LRRC4C: variants seen among roughly 807,000 people sequenced by gnomAD.
LRRC4C encodes leucine-rich repeat-containing protein 4C.
In LRRC4C, 5 loss-of-function variants were observed where a neutral mutation model predicts 33.6. That is an observed-to-expected ratio of 0.15 (90% CI 0.08 to 0.31). The LOEUF is 0.31. LRRC4C is among the 10% of genes least tolerant of loss of function. LRRC4C has a pLI of 1.00. For synonymous variants in LRRC4C, 329 were observed against 302.0 expected, an observed-to-expected ratio of 1.09 and a Z score of -0.93; for missense variants, 560 against 796.7, an observed-to-expected ratio of 0.70 and a Z score of 3.58.
At chr11:40,742,189 A>G (rs1948190190) in intron 2 of LRRC4C, among the ~76,000 whole-genome samples, 2 of 151,948 alleles carry the variant, frequency 1.3e-5, no homozygotes, top group South Asian at 2.1e-4. Flanking sequence ...TCTATACTGA[A>G]TGGTTTTCAA....
chr11:40,762,701 T>TCAAGGA (rs1949277844), intron 2 of LRRC4C, among the ~76,000 whole-genome samples: 1 of 152,152 alleles, frequency 6.6e-6, no homozygotes, highest in African/African-American at 2.4e-5. Context: ...TATGAGAAGT[T>TCAAGGA]GACTTGCTTG....
chr11:40,841,464 C>T (rs1565122075), intron 2 of LRRC4C, among the ~76,000 whole-genome samples: 1 of 152,114 alleles, frequency 6.6e-6, no homozygotes, highest in Non-Finnish European at 1.5e-5. Context: ...AGGTGGTGTC[C>T]TGAACTGACA....
At chr11:40,386,871 C>T (rs1156808471) in intron 3 of LRRC4C, among the ~76,000 whole-genome samples, 1 of 152,098 alleles carries the variant, frequency 6.6e-6, no homozygotes, top group Admixed American at 6.5e-5. Flanking sequence ...CTAATGTGGG[C>T]TGTTTCCTTG....
At chr11:40,522,370 G>C (rs1267732793) in intron 3 of LRRC4C, among the ~76,000 whole-genome samples, 2 of 152,088 alleles carry the variant, frequency 1.3e-5, no homozygotes, top group African/African-American at 4.8e-5. Context: ...TGGTTAATAT[G>C]GTTTGGCTGT....
At chr11:41,036,652 AT>A (rs5791414) in intron 1 of LRRC4C, among the ~76,000 whole-genome samples, 79,115 of 151,536 alleles carry the variant, frequency 0.52, 21,193 homozygotes, top group East Asian at 0.65. Flanking sequence ...TGAAGGAAGC[AT>A]TTTTTAAACA....
chr11:40,319,103 T>C (rs907575831), intron 4 of LRRC4C, among the ~76,000 whole-genome samples: 3 of 152,214 alleles, frequency 2.0e-5, no homozygotes, highest in Non-Finnish European at 4.4e-5. Context: ...AAAAAAATAC[T>C]CCTTCCCCAT....
chr11:40,272,649 C>T (rs1942793197), intron 4 of LRRC4C, among the ~76,000 whole-genome samples: 1 of 151,954 alleles, frequency 6.6e-6, no homozygotes, highest in Non-Finnish European at 1.5e-5. Flanking sequence ...AAAGTCTGTT[C>T]CACTCCTAGC....
At chr11:41,279,534 TGCTA>T (rs1333372052) in intron 1 of LRRC4C, among the ~76,000 whole-genome samples, 5 of 152,240 alleles carry the variant, frequency 3.3e-5, no homozygotes, top group Admixed American at 6.6e-5. Context: ...TCATCCCTAA[TGCTA>T]GACTCTGGCT....
intron 1 of LRRC4C, among the ~76,000 whole-genome samples, chr11:41,387,330 G>C (rs1246731198): frequency 1.3e-5 from 2 of 151,688 alleles, no homozygotes; most frequent in East Asian, 3.9e-4. Context: ...GAGACAGACA[G>C]GTGATAAGAA....
intron 1 of LRRC4C, among the ~76,000 whole-genome samples, chr11:41,290,386 A>G (rs1949956956): frequency 6.6e-6 from 1 of 152,212 alleles, no homozygotes. Context: ...TAATGTAAGC[A>G]TGTTCCTACG....
intron 2 of LRRC4C, among the ~76,000 whole-genome samples, chr11:40,823,004 G>T (rs923945698): frequency 7.9e-5 from 12 of 151,658 alleles, no homozygotes; most frequent in Non-Finnish European, 1.8e-4. Context: ...TTTATCTCTG[G>T]GTTCTCCATT....
At chr11:40,158,316 A>C (rs777711151) in intron 5 of LRRC4C, among the ~76,000 whole-genome samples, 18 of 152,122 alleles carry the variant, frequency 1.2e-4, no homozygotes, top group Non-Finnish European at 1.5e-5. Context: ...GGTGCAGTGT[A>C]TACTGCTCAA....
intron 1 of LRRC4C, among the ~76,000 whole-genome samples, chr11:41,200,941 C>A (rs758144143): frequency 2.0e-5 from 3 of 152,124 alleles, no homozygotes; most frequent in Non-Finnish European, 2.9e-5. Flanking sequence ...ATGAAGAAAA[C>A]CTAGTGGGAA....
At chr11:41,022,085 G>C (rs1400403425) in intron 1 of LRRC4C, among the ~76,000 whole-genome samples, 1 of 150,314 alleles carries the variant, frequency 6.7e-6, no homozygotes, top group Non-Finnish European at 1.5e-5. Flanking sequence ...TCTCTCCATA[G>C]GAATGTCTTC....
intron 1 of LRRC4C, among the ~76,000 whole-genome samples, chr11:41,114,717 T>C (rs2135722797): frequency 6.6e-6 from 1 of 152,200 alleles, no homozygotes; most frequent in African/African-American, 2.4e-5. Context: ...TATAATACAG[T>C]ACTATAGCAC....
intron 3 of LRRC4C, among the ~76,000 whole-genome samples, chr11:40,495,754 A>G (rs1253661949): frequency 2.0e-5 from 3 of 150,420 alleles, no homozygotes; most frequent in Admixed American, 6.7e-5. Context: ...CTAATGGAAA[A>G]TAGTACTGGA....
At chr11:40,213,228 A>T (rs1043196502) in intron 5 of LRRC4C, among the ~76,000 whole-genome samples, 3 of 152,148 alleles carry the variant, frequency 2.0e-5, no homozygotes, top group Non-Finnish European at 4.4e-5. Context: ...CAATCTTACC[A>T]GTAGAAGATA....
intron 1 of LRRC4C, among the ~76,000 whole-genome samples, chr11:40,969,217 C>T (rs1019117134): frequency 6.6e-6 from 1 of 152,090 alleles, no homozygotes; most frequent in African/African-American, 2.4e-5. Flanking sequence ...GAAGTGGTGT[C>T]TAAAGCTGTA....
At chr11:41,396,828 A>C (rs116343871) in intron 1 of LRRC4C, among the ~76,000 whole-genome samples, 5,271 of 152,076 alleles carry the variant, frequency 0.035, 323 homozygotes, top group African/African-American at 0.12. Context: ...GCAGCAAAAT[A>C]AAAAACTGAC....
Sources: allele counts gnomAD v4.1 joint callset (sites outside exome capture counted in the v4.1 genomes callset), GRCh38; gene constraint gnomAD v4.1.1; transcripts MANE v1.5; gene names NCBI Gene and HGNC (gene_info 2026-07-23, HGNC 2026-07-21).